SYK: variants seen among roughly 807,000 people sequenced by gnomAD.
SYK encodes the protein tyrosine-protein kinase SYK.
In SYK, 16 loss-of-function variants were observed where a neutral mutation model predicts 77.8. The ratio of observed to expected loss-of-function variants is 0.21; its 90% CI spans 0.14 to 0.31. SYK has a LOEUF of 0.31. SYK is among the 10% of genes least tolerant of loss of function. SYK has a pLI of 1.00. For missense variants in SYK, 529 were observed against 814.4 expected, an observed-to-expected ratio of 0.65 and a Z score of 4.26; for synonymous variants, 312 against 308.7, an observed-to-expected ratio of 1.01 and a Z score of -0.11.
chr9:90,892,693 C>G (rs1217712424), intron 13 of SYK, among the ~76,000 whole-genome samples: 1 of 152,156 alleles, frequency 6.6e-6, no homozygotes, highest in Non-Finnish European at 1.5e-5. Context: ...CCAAGTCATG[C>G]TTGGGGTGAT....
intron 3 of SYK, among the ~76,000 whole-genome samples, chr9:90,857,778 C>G (rs1169047887): frequency 6.6e-6 from 1 of 151,954 alleles, no homozygotes; most frequent in Admixed American, 6.5e-5. Flanking sequence ...GTGAGAACTG[C>G]CCACCCAACC....
At chr9:90,809,922 A>T (rs570770796) in intron 1 of SYK, among the ~76,000 whole-genome samples, 2 of 152,154 alleles carry the variant, frequency 1.3e-5, no homozygotes, top group South Asian at 4.1e-4. Context: ...AATGTTTGTG[A>T]GGCAGGTGGG....
intron 1 of SYK, among the ~76,000 whole-genome samples, chr9:90,807,996 G>T (rs1048147868): frequency 6.6e-6 from 1 of 152,172 alleles, no homozygotes; most frequent in Non-Finnish European, 1.5e-5. Flanking sequence ...ATGTTGGGGT[G>T]CGGGGAGGTC....
intron 1 of SYK, among the ~76,000 whole-genome samples, chr9:90,815,212 A>G (rs1825246465): frequency 6.6e-6 from 1 of 152,250 alleles, no homozygotes; most frequent in African/African-American, 2.4e-5. Flanking sequence ...CAAAAAAATA[A>G]GATGCCAAGC....
chr9:90,889,691 A>G (rs1828718196), intron 13 of SYK, among the ~76,000 whole-genome samples: 1 of 152,262 alleles, frequency 6.6e-6, no homozygotes, highest in African/African-American at 2.4e-5. Flanking sequence ...GCCGTGGCTC[A>G]GGAGAGGAGC....
At chr9:90,868,727 A>G (rs1386225701) in intron 7 of SYK, among the ~76,000 whole-genome samples, 2 of 152,200 alleles carry the variant, frequency 1.3e-5, no homozygotes, top group East Asian at 1.9e-4. Context: ...CATGGTAGAT[A>G]AGCACTTTCA....
chr9:90,882,394 G>C (rs1828191054), intron 11 of SYK, among the ~76,000 whole-genome samples: 1 of 152,188 alleles, frequency 6.6e-6, no homozygotes, highest in African/African-American at 2.4e-5. Flanking sequence ...CCACTGTAGT[G>C]TCATGAAATC....
chr9:90,865,097 G>A lies in SYK; in HGVS notation c.846G>A (p.Ala282=), dbSNP rs199908671. The change falls in exon 6 of 14, where the codon GCG becomes GCA. Residue 282 remains alanine (A), a splice_region_variant and synonymous_variant. Transcript: ENST00000375754. ...GRPQLPGSHP[A]TWSAGGIISR... ...CACAACTTCCAGGTTCCCATCCTGC[G>A]GTAAGTGTCACTAGGAATACCACTG... is the stretch of plus-strand genomic sequence containing the variant. The A allele has an allele frequency of 1.6e-5, 26 of 1,613,720 alleles. No individual in the cohort carries two copies. The highest frequency in any genetic ancestry group is 6.7e-5 in the East Asian group (3 of 44,886).
chr9:90,822,481 A>G (rs1373134511), intron 1 of SYK, among the ~76,000 whole-genome samples: 2 of 152,256 alleles, frequency 1.3e-5, no homozygotes, highest in African/African-American at 4.8e-5. Flanking sequence ...AGAATCTGCT[A>G]ATTATCACAC....
At chr9:90,879,082 G>A (rs1828051692) in intron 11 of SYK, 129 bp downstream of exon 11, 2 of 612,058 alleles carry the variant, frequency 3.3e-6, no homozygotes, top group Non-Finnish European at 5.6e-6. Flanking sequence ...AACTATGTAA[G>A]ATATGTTCTT....
chr9:90,862,396 C>A, intron 4 of SYK, 52 bp downstream of exon 4: 1 of 1,577,358 alleles, frequency 6.3e-7, no homozygotes. Context: ...GCACGTGGGG[C>A]TCCTTGTCCC....
chr9:90,821,797 G>T (rs915675570), intron 1 of SYK, among the ~76,000 whole-genome samples: 4 of 152,074 alleles, frequency 2.6e-5, no homozygotes, highest in African/African-American at 9.7e-5. Context: ...TGGTGACTTT[G>T]CTGTTTAGAG....
At position 90,887,765 on chromosome 9, in the gene SYK, A is replaced by G; in HGVS notation, c.1598A>G (p.Lys533Arg). The change falls in exon 12 of 14, where the codon AAG becomes AGG. Residue 533 changes from lysine (K) to arginine (R), a missense_variant. Around this residue, in one of 2 missense-constraint regions of SYK, gnomAD observed 208 missense variants for 381.3 expected, o/e 0.55. Coordinates refer to ENST00000375754, the MANE Select transcript of SYK (RefSeq NM_003177.7). ...TGCTTTTAGGCCCAGACCCATGGAA[A>G]GTGGCCTGTCAAGTGGTACGCTCCG... ...ENYYKAQTHG[K>R]WPVKWYAPEC... 1 of 1,611,634 alleles carries G rather than the reference A, an allele frequency of 6.2e-7. No homozygotes were observed. The highest frequency in any genetic ancestry group is 8.5e-7 in the Non-Finnish European group (1 of 1,178,730).
intron 11 of SYK, among the ~76,000 whole-genome samples, chr9:90,884,408 T>TAC (rs1564120914): frequency 1.1e-5 from 1 of 88,366 alleles, no homozygotes; most frequent in African/African-American, 4.4e-5. Flanking sequence ...CACATATGTG[T>TAC]ATATATACAT....
Position 90,835,198 on chromosome 9 carries a change from G to A in SYK, c.-41-8660G>A, listed in dbSNP as rs547908432. Among the ~76,000 whole-genome samples the A allele has an allele frequency of 6.8e-4, 103 of 152,342 alleles. 1 individual carries two copies. The highest frequency in any genetic ancestry group is 2.4e-3 in the African/African-American group (100 of 41,572). The stretch of plus-strand genomic sequence containing the variant: ...AAATGGGTGGGACCATCATAAGGAG[G>A]GGGAACAGGGTAAAGGCAACCATCT... On this transcript the variant is annotated intron_variant, in intron 1 of 13. Coordinates refer to ENST00000375754, the MANE Select transcript of SYK (RefSeq NM_003177.7).
chr9:90,858,931 G>A (rs12006330), intron 3 of SYK, among the ~76,000 whole-genome samples: 17,977 of 152,164 alleles, frequency 0.12, 1,452 homozygotes, highest in Admixed American at 0.25. Context: ...AGAGGGGATC[G>A]CCTGCAGAAC....
chr9:90,864,622 T>G lies in SYK; in HGVS notation c.751T>G (p.Leu251Val). 6.2e-7 allele frequency: 1 copy of G among 1,614,230 alleles called. No homozygotes were observed. The highest frequency in any genetic ancestry group is 1.1e-5 in the South Asian group (1 of 91,090). The change falls in exon 5 of 14, where the codon TTG (leucine) becomes GTG (valine). Residue 251 changes from leucine (L) to valine (V), a missense_variant. Physicochemically the swap from Leu to Val is conservative, Grantham distance 32. Coordinates refer to ENST00000375754, the MANE Select transcript of SYK (RefSeq NM_003177.7). The stretch of plus-strand genomic sequence containing the variant: ...GCATTATTCTTATAAAGCAGATGGT[T>G]TGTTAAGAGTTCTTACTGTCCCATG... ...VEHYSYKADG[L>V]LRVLTVPCQK... is the part of the protein sequence containing the mutation.
chr9:90,808,408 T>C (rs1824929127), intron 1 of SYK, among the ~76,000 whole-genome samples: 1 of 151,962 alleles, frequency 6.6e-6, no homozygotes. Flanking sequence ...TTGGTGCCTC[T>C]CTCTCCTGCT....
At chr9:90,891,159 TTTTTGA>T (rs1162049329) in intron 13 of SYK, among the ~76,000 whole-genome samples, 1 of 138,528 alleles carries the variant, frequency 7.2e-6, no homozygotes, top group African/African-American at 2.7e-5. Flanking sequence ...TTTTTTTTTT[TTTTTGA>T]GACGGAGTCT....
Sources: gnomAD v4.1 joint callset for allele counts (sites outside exome capture counted in the v4.1 genomes callset) on GRCh38, gnomAD v4.1.1 for gene constraint, gnomAD v4.1.1 regional missense constraint, MANE v1.5 for transcripts, NCBI Gene and HGNC (gene_info 2026-07-23, HGNC 2026-07-21) for gene names.